Variants in GABRA5 observed in about 807,000 individuals in gnomAD.
GABRA5 encodes the protein gamma-aminobutyric acid type A receptor subunit alpha5.
In GABRA5, 18 loss-of-function variants were observed where a neutral mutation model predicts 47.3. The observed-to-expected ratio is 0.38, with a 90% CI of 0.26 to 0.56. The LOEUF is 0.56. GABRA5 is among the 20% of genes least tolerant of loss of function. The pLI is 0.71. For synonymous variants in GABRA5, 237 were observed against 229.3 expected, an observed-to-expected ratio of 1.03 and a Z score of -0.30; for missense variants, 365 against 599.3, an observed-to-expected ratio of 0.61 and a Z score of 4.08.
intron 8 of GABRA5, chr15:26,939,633 G>T (rs1894338176): frequency 1.7e-6 from 1 of 600,448 alleles, no homozygotes; most frequent in Non-Finnish European, 3.0e-6. Context: ...GGAGTGGGGG[G>T]AGAGAGGCAC....
chr15:26,868,181 G>C (rs1419758059), intron 1 of GABRA5: 4 of 151,968 alleles, frequency 2.6e-5, no homozygotes, highest in African/African-American at 7.2e-5. Flanking sequence ...GGGGCGGCGG[G>C]AGGCGCCGCC....
At chr15:26,893,549 T>C (rs1461005918) in intron 6 of GABRA5, among the ~76,000 whole-genome samples, 1 of 150,064 alleles carries the variant, frequency 6.7e-6, no homozygotes, top group East Asian at 2.0e-4. Flanking sequence ...TGGGGAGGAC[T>C]GCAGCTGGTC....
At position 26,883,476 on chromosome 15, in the gene GABRA5, A is replaced by G; in HGVS notation, c.416A>G (p.Lys139Arg). ...CCAGACACGTTCTTCCACAACGGGA[A>G]GAAGTCCATCGCTCACAACATGACC... ...WTPDTFFHNGKKSIAHNMTTP... is the reference protein window; with the variant it reads ...WTPDTFFHNGRKSIAHNMTTP... The change falls in exon 6 of 11, where the codon AAG (lysine) becomes AGG (arginine). Residue 139 changes from lysine (K) to arginine (R), a missense_variant. By Grantham distance (26) the Lys-to-Arg change is conservative. Around this residue, in one of 3 missense-constraint regions of GABRA5, gnomAD observed 216 missense variants for 335.3 expected, o/e 0.64. Transcript: ENST00000335625. The surrounding 1 kb of genome is among the most constrained non-coding windows in gnomAD (Gnocchi z 4.8). The G allele has an allele frequency of 6.2e-7, 1 of 1,614,116 alleles. No individual in the cohort carries two copies. The highest frequency in any genetic ancestry group is 8.5e-7 in the Non-Finnish European group (1 of 1,179,974).
intron 10 of GABRA5, among the ~76,000 whole-genome samples, chr15:26,944,302 G>T (rs768255899): frequency 6.6e-6 from 1 of 152,198 alleles, no homozygotes; most frequent in African/African-American, 2.4e-5. Context: ...CCACAGCCCC[G>T]TGCTTGCTCT....
At chr15:26,905,034 C>T (rs982123464) in intron 6 of GABRA5, among the ~76,000 whole-genome samples, 1 of 152,054 alleles carries the variant, frequency 6.6e-6, no homozygotes, top group Non-Finnish European at 1.5e-5. Context: ...TTGTCTTGTG[C>T]CAGTTTTCAA....
intron 6 of GABRA5, among the ~76,000 whole-genome samples, chr15:26,892,807 A>G (rs543661043): frequency 6.6e-6 from 1 of 152,092 alleles, no homozygotes; most frequent in Admixed American, 6.5e-5. Flanking sequence ...GGGGCAGGAG[A>G]GGTCTGGGCG....
In GABRA5 at chr15:26,883,862, T is replaced by G. The variant is rs1474483780; in HGVS notation, c.497+305T>G. ...TAGGGAAAAATTATTATATTAAACT[T>G]AAACATCTAAGGAGGACCGGGCGTG... On this transcript the variant is annotated intron_variant, in intron 6 of 10. Transcript: ENST00000335625. The surrounding 1 kb of genome is among the most constrained non-coding windows in gnomAD (Gnocchi z 4.8). 6.6e-6 allele frequency among the ~76,000 whole-genome samples: 1 copy of G among 152,098 alleles called. No individual in the cohort carries two copies.
At chr15:26,931,529 C>G (rs1172625019) in intron 7 of GABRA5, among the ~76,000 whole-genome samples, 3 of 152,188 alleles carry the variant, frequency 2.0e-5, no homozygotes, top group African/African-American at 7.2e-5. Flanking sequence ...GTGAAAGACA[C>G]AAACTTTCAG....
chr15:26,878,881 C>G (rs1043712497), intron 3 of GABRA5, among the ~76,000 whole-genome samples: 1 of 152,102 alleles, frequency 6.6e-6, no homozygotes, highest in African/African-American at 2.4e-5. Flanking sequence ...GATTCAGAGC[C>G]CAGTGGGATG....
intron 10 of GABRA5, among the ~76,000 whole-genome samples, chr15:26,944,392 CT>C (rs1894462120): frequency 6.6e-6 from 1 of 152,216 alleles, no homozygotes; most frequent in Non-Finnish European, 1.5e-5. Flanking sequence ...CCAGGAGCCC[CT>C]CCCCCACTGT....
intron 4 of GABRA5, among the ~76,000 whole-genome samples, chr15:26,882,111 C>T (rs1312358912): frequency 6.6e-6 from 1 of 152,206 alleles, no homozygotes; most frequent in African/African-American, 2.4e-5. Context: ...AATTATGTTC[C>T]TAGGCCTGTG....
intron 7 of GABRA5, among the ~76,000 whole-genome samples, chr15:26,925,377 A>C (rs1012011880): frequency 7.9e-5 from 12 of 152,106 alleles, no homozygotes; most frequent in African/African-American, 2.9e-4. Flanking sequence ...CCTTAAGTTC[A>C]CTGATTATTT....
chr15:26,939,125 C>T lies in GABRA5; in HGVS notation c.725-800C>T. On this transcript the variant is annotated intron_variant, in intron 8 of 10. Coordinates refer to ENST00000335625, the MANE Select transcript of GABRA5 (RefSeq NM_000810.4). ...GTTTTTTGAATTGCTCTTCCTCCAC[C>T]CCTCAAAGAACACTTCCCATCTCCC... 5 of 702,122 alleles carry T rather than the reference C, an allele frequency of 7.1e-6. No individual in the cohort carries two copies. The South Asian group carries it at 8.0e-5, about 11-fold the overall frequency. 43.5% of individuals were successfully genotyped at this position (702,122 alleles called of 1,614,324 possible).
At chr15:26,868,026 G>C (rs1427145612) in intron 1 of GABRA5, 2 of 151,932 alleles carry the variant, frequency 1.3e-5, no homozygotes, top group African/African-American at 4.8e-5. Flanking sequence ...TGGCGACCGC[G>C]GGTGCCAGGG....
intron 7 of GABRA5, among the ~76,000 whole-genome samples, chr15:26,926,104 G>T (rs1453209941): frequency 6.6e-6 from 1 of 152,126 alleles, no homozygotes; most frequent in African/African-American, 2.4e-5. Flanking sequence ...GAGATGGAGG[G>T]GTCCTATCTG....
chr15:26,943,487 C>G (rs1595438543), intron 10 of GABRA5, 61 bp downstream of exon 10: 1 of 1,423,680 alleles, frequency 7.0e-7, no homozygotes, highest in East Asian at 2.5e-5. Context: ...GTGCCTGATT[C>G]TATCCAAACA....
intron 6 of GABRA5, among the ~76,000 whole-genome samples, chr15:26,897,086 A>G (rs1893215074): frequency 6.6e-6 from 1 of 152,000 alleles, no homozygotes; most frequent in Non-Finnish European, 1.5e-5. Context: ...GACAGCACCT[A>G]TGGAAAGAGA....
chr15:26,923,768 A>G (rs192717776), intron 7 of GABRA5, among the ~76,000 whole-genome samples: 1 of 151,784 alleles, frequency 6.6e-6, no homozygotes, highest in Non-Finnish European at 1.5e-5. Context: ...ATTTTCATCT[A>G]CTTTCTTTCT....
At chr15:26,918,176 G>A (rs1893761317) in intron 7 of GABRA5, among the ~76,000 whole-genome samples, 1 of 151,948 alleles carries the variant, frequency 6.6e-6, no homozygotes, top group Admixed American at 6.6e-5. Flanking sequence ...TTTCTTAGAT[G>A]CCAATAAGTT....
Sources: allele counts gnomAD v4.1 joint callset (sites outside exome capture counted in the v4.1 genomes callset), GRCh38; gene constraint gnomAD v4.1.1; regional missense constraint gnomAD v4.1.1; non-coding constraint Gnocchi (gnomAD v3.1); transcripts MANE v1.5; gene names NCBI Gene and HGNC (gene_info 2026-07-23, HGNC 2026-07-21).